USP32: variants seen among roughly 807,000 people sequenced by gnomAD.
USP32 encodes ubiquitin carboxyl-terminal hydrolase 32.
Under a neutral mutation model 204.8 loss-of-function variants are expected in USP32, and 59 were observed. That is an observed-to-expected ratio of 0.29 (90% CI 0.23 to 0.36). USP32 has a LOEUF of 0.36. Ranked by LOEUF, USP32 falls within the 10% of genes least tolerant of loss-of-function variation. The pLI is 1.00. For missense variants in USP32, 1,160 were observed against 1,946.4 expected, an observed-to-expected ratio of 0.60 and a Z score of 7.60; for synonymous variants, 517 against 678.4, an observed-to-expected ratio of 0.76 and a Z score of 3.70.
intron 11 of USP32, among the ~76,000 whole-genome samples, chr17:60,243,100 AT>A (rs1460984522): frequency 1.3e-5 from 2 of 152,120 alleles, no homozygotes; most frequent in East Asian, 3.9e-4. Context: ...CAAGGGTTTG[AT>A]TTCTTTTGAC....
chr17:60,183,153 C>A lies in USP32; in HGVS notation c.4123+12G>T. On this transcript the variant is annotated intron_variant, in intron 31 of 33. Coordinates refer to ENST00000300896, the MANE Select transcript of USP32 (RefSeq NM_032582.4). Reference sequence around the variant, plus strand: ...CCCAAGAAAGCACCTGCATAAGGCCCCCAGGCCTCACCTTTCGGGCTGCTG... The same window carrying A: ...CCCAAGAAAGCACCTGCATAAGGCCACCAGGCCTCACCTTTCGGGCTGCTG... 1 of 1,599,328 alleles carries A rather than the reference C, an allele frequency of 6.3e-7. No individual in the cohort carries two copies. The highest frequency in any genetic ancestry group is 1.1e-5 in the South Asian group (1 of 89,342).
At chr17:60,407,006 G>A (rs2143050328) in intron 1 of USP32, among the ~76,000 whole-genome samples, 1 of 152,176 alleles carries the variant, frequency 6.6e-6, no homozygotes, top group Middle Eastern at 3.4e-3. Flanking sequence ...CAGAACAACC[G>A]TTTTCAGATG....
chr17:60,282,897 A>T (rs1349933009), intron 5 of USP32, among the ~76,000 whole-genome samples: 1 of 152,166 alleles, frequency 6.6e-6, no homozygotes, highest in Middle Eastern at 3.2e-3. Flanking sequence ...TTCGTCCACT[A>T]AACTAAGAAA....
At chr17:60,315,261 G>A (rs1443057156) in intron 2 of USP32, among the ~76,000 whole-genome samples, 7 of 152,228 alleles carry the variant, frequency 4.6e-5, no homozygotes, top group Non-Finnish European at 5.9e-5. Context: ...TTAGCCAGGC[G>A]TGGCGGTGTG....
intron 24 of USP32, among the ~76,000 whole-genome samples, 186 bp from the exon 25 acceptor site, chr17:60,207,318 A>G (rs2084855355): frequency 6.6e-6 from 1 of 152,140 alleles, no homozygotes; most frequent in Admixed American, 6.5e-5. Context: ...ACTAACCTCA[A>G]TTTTCGAACT....
rs1370585493 is a variant in USP32, at chr17:60,369,289, C to A, written c.58+22593G>T. ...GATTACAGGCGTGAGCCACCGCGCCCGGCCAAAAGATATTTTTTAAGCCAG... is the reference window on the plus strand; with the variant it reads ...GATTACAGGCGTGAGCCACCGCGCCAGGCCAAAAGATATTTTTTAAGCCAG... On this transcript the variant is annotated intron_variant, in intron 1 of 33. Transcript: ENST00000300896. Among the ~76,000 whole-genome samples the A allele has an allele frequency of 2.9e-5, 4 of 138,232 alleles. 1 individual carries two copies. The highest frequency in any genetic ancestry group is 1.4e-4 in the African/African-American group (4 of 29,084). 90.7% of individuals were successfully genotyped at this position (138,232 alleles called of 152,430 possible). A position where few individuals can be genotyped will look rare whatever the true frequency, so the allele number is the denominator to read the frequency against.
At chr17:60,266,182 A>G (rs2086586986) in intron 7 of USP32, 91 bp from the exon 8 acceptor site, 1 of 907,952 alleles carries the variant, frequency 1.1e-6, no homozygotes, top group East Asian at 2.5e-5. Flanking sequence ...ATAATTACTT[A>G]GTTTTTAAAG....
chr17:60,245,982 A>AT (rs1472589821), intron 11 of USP32, among the ~76,000 whole-genome samples: 4 of 152,032 alleles, frequency 2.6e-5, no homozygotes, highest in African/African-American at 9.7e-5. Flanking sequence ...AAATATGGTA[A>AT]TTAGGATATT....
chr17:60,239,787 C>T (rs1427287244), intron 11 of USP32, among the ~76,000 whole-genome samples: 1 of 152,098 alleles, frequency 6.6e-6, no homozygotes, highest in Non-Finnish European at 1.5e-5. Context: ...GGCTGGAGTG[C>T]AAGTGGCACA....
Position 60,183,444 on chromosome 17 carries a change from G to C in USP32, c.3844C>G (p.Leu1282Val). The C allele has an allele frequency of 6.2e-7, 1 of 1,602,038 alleles. No individual in the cohort carries two copies. The highest frequency in any genetic ancestry group is 8.5e-7 in the Non-Finnish European group (1 of 1,172,852). Reference sequence around the variant, plus strand: ...CCATTTACAAATTGAAATCGCTTAAGGTGAATAATCTGGAGAAGTAAAGGT... The same window carrying C: ...CCATTTACAAATTGAAATCGCTTAACGTGAATAATCTGGAGAAGTAAAGGT... ...WRLPPILIIH[L>V]KRFQFVNGRW... is the part of the protein sequence containing the mutation. The change falls in exon 31 of 34, where the codon CTT (leucine) becomes GTT (valine). Residue 1282 changes from leucine (L) to valine (V), a missense_variant. By Grantham distance (32) the Leu-to-Val change is conservative. This residue lies in a region of USP32 where 160 missense variants were observed against 322.5 expected (regional missense o/e 0.50). Transcript: ENST00000300896.
intron 19 of USP32, 54 bp from the exon 20 acceptor site, chr17:60,211,568 C>A (rs932018646): frequency 1.3e-6 from 2 of 1,553,880 alleles, no homozygotes; most frequent in East Asian, 2.3e-5. Flanking sequence ...TGCCATGGCA[C>A]AAACAGTTAC....
upstream of USP32, chr17:60,392,332 A>C: frequency 1.4e-5 from 4 of 293,110 alleles, no homozygotes; most frequent in East Asian, 2.1e-4. Context: ...CCCCTCCCCA[A>C]GCTAACCGCG....
intron 1 of USP32, among the ~76,000 whole-genome samples, chr17:60,404,679 A>G (rs1297323423): frequency 6.6e-6 from 1 of 152,166 alleles, no homozygotes; most frequent in African/African-American, 2.4e-5. Flanking sequence ...GCCTCCTTGG[A>G]ACAAAAGAGA....
At chr17:60,417,697 G>A (rs914808342) in intron 1 of USP32, among the ~76,000 whole-genome samples, 63 of 151,054 alleles carry the variant, frequency 4.2e-4, no homozygotes, top group Non-Finnish European at 6.5e-4. Flanking sequence ...CAAGTGATCC[G>A]CCTGCCTCAG....
chr17:60,364,446 G>A (rs1413834321), intron 1 of USP32, among the ~76,000 whole-genome samples: 3 of 152,158 alleles, frequency 2.0e-5, no homozygotes, highest in African/African-American at 7.2e-5. Flanking sequence ...GTGGCGCGAT[G>A]TCCACTCACC....
chr17:60,230,633 T>C (rs1190987741), intron 12 of USP32, among the ~76,000 whole-genome samples: 1 of 152,214 alleles, frequency 6.6e-6, no homozygotes, highest in African/African-American at 2.4e-5. Flanking sequence ...TGTCTTCTCA[T>C]TGTCTTCGGC....
Position 60,213,948 on chromosome 17 carries a change from T to G in USP32, c.2023-286A>C, listed in dbSNP as rs552316268. 2.7e-4 allele frequency among the ~76,000 whole-genome samples: 41 copies of G among 151,684 alleles called. 1 individual carries two copies. The highest frequency in any genetic ancestry group is 3.4e-3 in the Middle Eastern group (1 of 294). On this transcript the variant is annotated intron_variant, in intron 17 of 33. Coordinates refer to ENST00000300896, the MANE Select transcript of USP32 (RefSeq NM_032582.4). Reference sequence around the variant, plus strand: ...ACATGAATACGTTTTGTTTTTTGTTTTTTTTTTTTTTAAAGATGGAGTCTG... The same window carrying G: ...ACATGAATACGTTTTGTTTTTTGTTGTTTTTTTTTTTAAAGATGGAGTCTG...
At chr17:60,305,604 T>A (rs1250263501) in intron 2 of USP32, among the ~76,000 whole-genome samples, 1 of 152,194 alleles carries the variant, frequency 6.6e-6, no homozygotes, top group Non-Finnish European at 1.5e-5. Context: ...AAGACATACA[T>A]CATTTTGGTG....
intron 33 of USP32, 102 bp from the exon 34 acceptor site, chr17:60,179,530 A>G (rs565299217): frequency 7.0e-7 from 1 of 1,431,040 alleles, no homozygotes; most frequent in East Asian, 2.3e-5. Flanking sequence ...ACTAAACCTG[A>G]TTGCTTCCAA....
Sources: gnomAD v4.1 joint callset for allele counts (sites outside exome capture counted in the v4.1 genomes callset) on GRCh38, gnomAD v4.1.1 for gene constraint, gnomAD v4.1.1 regional missense constraint, MANE v1.5 for transcripts, NCBI Gene and HGNC (gene_info 2026-07-23, HGNC 2026-07-21) for gene names.